CHL1: variants seen among roughly 807,000 people sequenced by gnomAD.
The protein encoded by CHL1 is cell adhesion molecule L1 like.
In CHL1, 96 loss-of-function variants were observed where a neutral mutation model predicts 141.9. That is an observed-to-expected ratio of 0.68 (90% CI 0.57 to 0.80). The LOEUF is 0.80. Ranked by LOEUF, CHL1 falls within the 30% of genes least tolerant of loss-of-function variation. The pLI is 0.00. For missense variants in CHL1, 1,820 were observed against 1,457.2 expected, an observed-to-expected ratio of 1.25 and a Z score of -4.05; for synonymous variants, 613 against 502.2, an observed-to-expected ratio of 1.22 and a Z score of -2.95.
At chr3:202,239 G>GT (rs1324789796) in intron 1 of CHL1, among the ~76,000 whole-genome samples, 2 of 152,116 alleles carry the variant, frequency 1.3e-5, no homozygotes, top group African/African-American at 4.8e-5. Context: ...TAGTAGCACG[G>GT]TTTTTTATTG....
chr3:348,733 C>G (rs1702976826), intron 9 of CHL1, among the ~76,000 whole-genome samples: 1 of 152,158 alleles, frequency 6.6e-6, no homozygotes, highest in South Asian at 2.1e-4. Flanking sequence ...TGGTTCATTC[C>G]TCCTTTCCTC....
At position 408,989 on chromosome 3, in the gene CHL1, G is replaced by A. The variant is rs372864367; in HGVS notation, c.*3278G>A. The A allele has an allele frequency of 6.6e-6, 1 of 151,936 alleles. No individual in the cohort carries two copies. The highest frequency in any genetic ancestry group is 1.5e-5 in the Non-Finnish European group (1 of 67,968). 9.4% of individuals were successfully genotyped at this position (151,936 alleles called of 1,614,324 possible). A position where few individuals can be genotyped will look rare whatever the true frequency, so the allele number is the denominator to read the frequency against. ...GAGGGGACAATAATGAGAAATGTTG[G>A]TGTGCTTTTCTAAGCATTTAAAACA... On this transcript the variant is annotated 3_prime_UTR_variant, in exon 28 of 28. Coordinates refer to ENST00000256509, the MANE Select transcript of CHL1 (RefSeq NM_006614.4).
At chr3:315,484 C>A (rs1356898236) in intron 2 of CHL1, among the ~76,000 whole-genome samples, 3 of 152,118 alleles carry the variant, frequency 2.0e-5, no homozygotes, top group Non-Finnish European at 4.4e-5. Context: ...ATTAAGGGAG[C>A]AAGTTGTTTC....
chr3:240,500 T>C (rs914274125), intron 1 of CHL1, among the ~76,000 whole-genome samples: 2 of 152,162 alleles, frequency 1.3e-5, no homozygotes, highest in Non-Finnish European at 2.9e-5. Flanking sequence ...TGGATGTCAG[T>C]CCTTTGTTGG....
chr3:258,437 T>C (rs1402828267), intron 2 of CHL1, among the ~76,000 whole-genome samples: 1 of 152,228 alleles, frequency 6.6e-6, no homozygotes, highest in Non-Finnish European at 1.5e-5. Flanking sequence ...GGAGTCATGT[T>C]TGTAGGAGCC....
intron 11 of CHL1, among the ~76,000 whole-genome samples, chr3:355,642 C>T (rs1292978215): frequency 6.6e-6 from 1 of 152,160 alleles, no homozygotes; most frequent in Non-Finnish European, 1.5e-5. Context: ...TGGTGGATAA[C>T]AGACCTCGGG....
intron 5 of CHL1, among the ~76,000 whole-genome samples, chr3:333,981 G>C (rs1045977268): frequency 2.1e-4 from 32 of 152,114 alleles, no homozygotes; most frequent in African/African-American, 7.2e-4. Context: ...TTTTGAGACA[G>C]GATCTTGCTC....
At chr3:347,012 G>C (rs1051277851) in intron 9 of CHL1, among the ~76,000 whole-genome samples, 6 of 152,000 alleles carry the variant, frequency 3.9e-5, no homozygotes, top group Non-Finnish European at 7.4e-5. Flanking sequence ...TCTATATCTT[G>C]GCAAGAATTT....
At chr3:231,730 C>G (rs1162247788) in intron 1 of CHL1, among the ~76,000 whole-genome samples, 1 of 151,880 alleles carries the variant, frequency 6.6e-6, no homozygotes, top group Non-Finnish European at 1.5e-5. Context: ...GTGCCTGCCA[C>G]CATGCCTGGC....
intron 5 of CHL1, among the ~76,000 whole-genome samples, chr3:337,377 T>A (rs34421544): frequency 0.11 from 17,219 of 151,246 alleles, 1,283 homozygotes; most frequent in East Asian, 0.36. Flanking sequence ...ATATATTTTT[T>A]AAATTATACT....
At chr3:330,304 C>T (rs1457517956) in intron 5 of CHL1, among the ~76,000 whole-genome samples, 1 of 152,000 alleles carries the variant, frequency 6.6e-6, no homozygotes, top group African/African-American at 2.4e-5. Flanking sequence ...GAAAACTCTA[C>T]ATAACAAAAC....
At chr3:340,438 T>A (rs1402545533) in intron 5 of CHL1, among the ~76,000 whole-genome samples, 2 of 152,188 alleles carry the variant, frequency 1.3e-5, no homozygotes, top group Non-Finnish European at 2.9e-5. Flanking sequence ...GAAATCAGTG[T>A]TTGGAGAAAA....
chr3:387,255 A>T (rs76954391), intron 19 of CHL1, among the ~76,000 whole-genome samples: 1,859 of 152,286 alleles, frequency 0.012, 39 homozygotes, highest in African/African-American at 0.042. Context: ...CCATCTAGAG[A>T]TTCCTACACC....
intron 5 of CHL1, among the ~76,000 whole-genome samples, chr3:333,513 A>C (rs558258119): frequency 2.6e-5 from 4 of 151,816 alleles, no homozygotes; most frequent in African/African-American, 9.6e-5. Context: ...TGAAAGAAAC[A>C]ACAACAACAA....
At chr3:320,438 A>G (rs1575059142) in intron 3 of CHL1, among the ~76,000 whole-genome samples, 1 of 152,016 alleles carries the variant, frequency 6.6e-6, no homozygotes, top group Non-Finnish European at 1.5e-5. Flanking sequence ...ATATAAATAT[A>G]TATTCTAACA....
At chr3:242,802 G>C (rs534321255) in intron 1 of CHL1, among the ~76,000 whole-genome samples, 1 of 152,074 alleles carries the variant, frequency 6.6e-6, no homozygotes, top group African/African-American at 2.4e-5. Flanking sequence ...CTCTGTGGGC[G>C]TAGGCTGCTG....
At chr3:345,072 T>G (rs1702651385) in intron 9 of CHL1, among the ~76,000 whole-genome samples, 1 of 152,210 alleles carries the variant, frequency 6.6e-6, no homozygotes, top group African/African-American at 2.4e-5. Flanking sequence ...AAGTAATTTG[T>G]ACTTCACTCT....
chr3:224,783 T>A (rs1008511971), intron 1 of CHL1, among the ~76,000 whole-genome samples: 5 of 152,232 alleles, frequency 3.3e-5, no homozygotes, highest in Non-Finnish European at 1.5e-5. Context: ...AAACGTAGCT[T>A]CCCTGTTGGC....
At position 363,593 on chromosome 3, in the gene CHL1, T is replaced by C. The variant is rs73814718; in HGVS notation, c.1585+210T>C. ...ATATGTGCACAGCTTCATCCTATTT[T>C]AAGAGGCAGCCAGGTGTCTGTAGTG... On this transcript the variant is annotated intron_variant, in intron 14 of 27. Transcript: ENST00000256509. The C allele has an allele frequency of 3.6e-3, 1,584 of 435,084 alleles. 18 individuals are homozygous for C. Among genetic ancestry groups the C allele is most frequent in the African/African-American group, 0.029 (1,441 of 49,912 alleles). The allele number at this position is 435,084 out of a possible 1,614,324, so 27.0% of individuals were successfully genotyped here.
Sources: allele counts gnomAD v4.1 joint callset (sites outside exome capture counted in the v4.1 genomes callset), GRCh38; gene constraint gnomAD v4.1.1; transcripts MANE v1.5; gene names NCBI Gene and HGNC (gene_info 2026-07-23, HGNC 2026-07-21).